The following NCKAP5 variants were observed in gnomAD, a reference collection of about 807,000 sequenced individuals.
NCKAP5 encodes nck-associated protein 5.
NCKAP5 carries 92 observed loss-of-function variants against 167.0 expected under a neutral mutation model. The observed-to-expected ratio is 0.55, with a 90% confidence interval of 0.47 to 0.66. The LOEUF is 0.66. Among genes scored for constraint, NCKAP5 ranks in the 30% least tolerant of loss-of-function variants. The probability of loss-of-function intolerance (pLI) is 0.00; values close to 1 mark genes in which losing one functional copy is unlikely to be tolerated. For missense variants in NCKAP5, 2,378 were observed against 2,315.0 expected (o/e 1.03, Z -0.56); for synonymous variants, 891 against 877.4 (o/e 1.02, Z -0.27).
chr2:133,061,718 G>A (rs2080008706), intron 6 of NCKAP5, among the ~76,000 whole-genome samples: 1 of 152,168 alleles, frequency 6.6e-6, no homozygotes, highest in African/African-American at 2.4e-5. Flanking sequence ...ATGGAGGGGA[G>A]AAAAAGAAAG....
chr2:133,396,568 A>C (rs1271542491), intron 3 of NCKAP5, among the ~76,000 whole-genome samples: 1 of 152,136 alleles, frequency 6.6e-6, no homozygotes, highest in Non-Finnish European at 1.5e-5. Context: ...TGGCTTGTAG[A>C]AGTATCATTC....
intron 8 of NCKAP5, among the ~76,000 whole-genome samples, chr2:132,956,111 G>GTTAAA (rs1055374476): frequency 2.6e-5 from 4 of 152,104 alleles, no homozygotes; most frequent in African/African-American, 9.7e-5. Flanking sequence ...CACAAAAAAT[G>GTTAAA]TTAAGTATGA....
chr2:132,971,226 C>T (rs1336469184), intron 7 of NCKAP5, among the ~76,000 whole-genome samples: 1 of 152,062 alleles, frequency 6.6e-6, no homozygotes, highest in Non-Finnish European at 1.5e-5. Flanking sequence ...GCTTTGAGAA[C>T]AGATAATAGA....
At chr2:132,676,269 G>C (rs942000210) in intron 19 of NCKAP5, among the ~76,000 whole-genome samples, 1 of 148,098 alleles carries the variant, frequency 6.8e-6, no homozygotes, top group African/African-American at 2.5e-5. Flanking sequence ...CTGAGCTAGG[G>C]ATGTTGTTTT....
At chr2:132,834,844 T>G (rs1169037855) in intron 11 of NCKAP5, among the ~76,000 whole-genome samples, 2 of 152,166 alleles carry the variant, frequency 1.3e-5, no homozygotes, top group Non-Finnish European at 2.9e-5. Flanking sequence ...GGACTTCCAG[T>G]ACTATGTTGA....
chr2:133,534,909 T>A (rs950456620), intron 2 of NCKAP5, among the ~76,000 whole-genome samples: 5 of 152,176 alleles, frequency 3.3e-5, no homozygotes. Context: ...CCAAACTGTT[T>A]TCCAAAGTGG....
intron 8 of NCKAP5, among the ~76,000 whole-genome samples, chr2:132,944,042 TC>T (rs2149109798): frequency 1.3e-5 from 2 of 152,332 alleles, no homozygotes; most frequent in African/African-American, 4.8e-5. Flanking sequence ...GATGCCACAC[TC>T]ATAAGGCATA....
At position 133,283,610 on chromosome 2, in the gene NCKAP5, G is replaced by A. The variant is rs1028824148; in HGVS notation, c.143+19427C>T. Reference sequence around the variant, plus strand: ...ATTCAAAAGATAATAAAGCTGAAAAGGATTTTTTTTTTTTTTTTGAGACAG... The same window carrying A: ...ATTCAAAAGATAATAAAGCTGAAAAAGATTTTTTTTTTTTTTTTGAGACAG... On this transcript the variant is annotated intron_variant, in intron 4 of 19. Coordinates refer to ENST00000409261, the MANE Select transcript of NCKAP5 (RefSeq NM_207363.3). 2.1e-5 allele frequency among the ~76,000 whole-genome samples: 3 copies of A among 144,896 alleles called. No individual in the cohort carries two copies. In the East Asian group the frequency reaches 6.0e-4, roughly 29 times the overall value.
At chr2:133,251,076 TA>T (rs1017879711) in intron 4 of NCKAP5, among the ~76,000 whole-genome samples, 47 of 140,426 alleles carry the variant, frequency 3.3e-4, no homozygotes, top group East Asian at 8.2e-4. Flanking sequence ...TCTTTAAAAA[TA>T]AAAAAAAAAA....
intron 11 of NCKAP5, among the ~76,000 whole-genome samples, chr2:132,833,896 A>C (rs1687698212): frequency 6.6e-6 from 1 of 152,198 alleles, no homozygotes. Flanking sequence ...TCTGCGAAAC[A>C]GTGACATTGG....
At chr2:133,634,956 G>A in the NCKAP5 span, among the ~76,000 whole-genome samples, 8 of 151,066 alleles carry the variant, frequency 5.3e-5, no homozygotes, top group African/African-American at 7.3e-5. Context: ...CAACCTCTGC[G>A]CCTCCTGGGT....
At chr2:133,555,745 G>T (rs1687697142) in intron 2 of NCKAP5, among the ~76,000 whole-genome samples, 1 of 152,086 alleles carries the variant, frequency 6.6e-6, no homozygotes, top group Admixed American at 6.6e-5. Flanking sequence ...CTCTATTATT[G>T]CTATGTGTAG....
intron 3 of NCKAP5, among the ~76,000 whole-genome samples, chr2:133,471,438 G>A (rs937056055): frequency 3.3e-5 from 5 of 152,120 alleles, no homozygotes; most frequent in South Asian, 2.1e-4. Flanking sequence ...TCTCTCTTGC[G>A]ACCCAGTCAT....
chr2:132,717,838 G>A (rs914589164), intron 19 of NCKAP5, among the ~76,000 whole-genome samples: 4 of 152,152 alleles, frequency 2.6e-5, no homozygotes, highest in Admixed American at 6.5e-5. Context: ...GCTGGGGGAC[G>A]CCAGTGCCAA....
At chr2:133,445,234 G>T (rs1445156031) in intron 3 of NCKAP5, among the ~76,000 whole-genome samples, 1 of 151,800 alleles carries the variant, frequency 6.6e-6, no homozygotes, top group Non-Finnish European at 1.5e-5. Flanking sequence ...GAATCTTATA[G>T]ATTTATTCAC....
chr2:133,316,159 G>A (rs76321669), intron 3 of NCKAP5, among the ~76,000 whole-genome samples: 2,881 of 152,184 alleles, frequency 0.019, 94 homozygotes, highest in South Asian at 0.071. Context: ...GGTTATTTCC[G>A]ATGACTTAAC....
chr2:133,177,183 T>TATATATATATATATATATATATATATAC (rs3051216), intron 5 of NCKAP5, among the ~76,000 whole-genome samples: 1 of 142,640 alleles, frequency 7.0e-6, no homozygotes, highest in East Asian at 2.1e-4. Flanking sequence ...TATATATATA[T>TATATATATATATATATATATATATATAC]ATATACTCAA....
chr2:132,892,799 A>G (rs566099474), intron 8 of NCKAP5, among the ~76,000 whole-genome samples: 1 of 152,310 alleles, frequency 6.6e-6, no homozygotes, highest in Admixed American at 6.5e-5. Context: ...GTTTATTTAT[A>G]TACACAGTCC....
At chr2:133,658,711 A>C in the NCKAP5 span, among the ~76,000 whole-genome samples, 1 of 152,158 alleles carries the variant, frequency 6.6e-6, no homozygotes, top group African/African-American at 2.4e-5. Flanking sequence ...TCCTGGTCTT[A>C]CTGCCTTTGT....
Sources: allele counts gnomAD v4.1 joint callset (sites outside exome capture counted in the v4.1 genomes callset), GRCh38; gene constraint gnomAD v4.1.1; transcripts MANE v1.5; gene names NCBI Gene and HGNC (gene_info 2026-07-23, HGNC 2026-07-21).